DOCK3: variants seen among roughly 807,000 people sequenced by gnomAD.
DOCK3 encodes the protein dedicator of cytokinesis 3.
Under a neutral mutation model 265.6 loss-of-function variants are expected in DOCK3, and 60 were observed. The observed-to-expected ratio is 0.23, with a 90% CI of 0.18 to 0.28. DOCK3 has a LOEUF of 0.28. Ranked by LOEUF, DOCK3 falls within the 10% of genes least tolerant of loss-of-function variation. The pLI, the probability that DOCK3 is intolerant of heterozygous loss-of-function variation, is 1.00. For synonymous variants in DOCK3, 881 were observed against 938.0 expected, an observed-to-expected ratio of 0.94 and a Z score of 1.11; for missense variants, 1,981 against 2,594.3, an observed-to-expected ratio of 0.76 and a Z score of 5.14.
At chr3:50,850,301 A>G (rs1031074752) in intron 3 of DOCK3, among the ~76,000 whole-genome samples, 2 of 151,452 alleles carry the variant, frequency 1.3e-5, no homozygotes, top group Admixed American at 1.3e-4. Context: ...CAGAGATTGC[A>G]GTGAGCGAAG....
chr3:50,739,492 A>C (rs938969662), intron 1 of DOCK3, among the ~76,000 whole-genome samples: 12 of 152,088 alleles, frequency 7.9e-5, no homozygotes, highest in African/African-American at 2.7e-4. Flanking sequence ...TTACTTGACC[A>C]TCTGACATAT....
chr3:50,686,274 C>A (rs1327937547), intron 1 of DOCK3, among the ~76,000 whole-genome samples: 1 of 152,080 alleles, frequency 6.6e-6, no homozygotes, highest in Non-Finnish European at 1.5e-5. Context: ...GAAAACTCTG[C>A]TGCACAAAAA....
intron 3 of DOCK3, among the ~76,000 whole-genome samples, chr3:50,856,034 G>C (rs1307595476): frequency 6.6e-6 from 1 of 152,182 alleles, no homozygotes; most frequent in East Asian, 1.9e-4. Context: ...TTTTATGGCT[G>C]CATAGTATTC....
At chr3:50,769,548 C>T (rs2041141281) in intron 1 of DOCK3, among the ~76,000 whole-genome samples, 2 of 152,066 alleles carry the variant, frequency 1.3e-5, no homozygotes, top group Non-Finnish European at 2.9e-5. Context: ...TGGTGGTTCA[C>T]ACCTGTAATC....
chr3:51,058,977 A>G (rs751046719), intron 5 of DOCK3, among the ~76,000 whole-genome samples: 21 of 152,076 alleles, frequency 1.4e-4, no homozygotes, highest in African/African-American at 4.8e-4. Flanking sequence ...GGTTTGTTAC[A>G]TGGGTATGTT....
chr3:50,902,101 G>A (rs1006688656), intron 4 of DOCK3, among the ~76,000 whole-genome samples: 1 of 151,948 alleles, frequency 6.6e-6, no homozygotes, highest in African/African-American at 2.4e-5. Flanking sequence ...ATTTGTTTAA[G>A]TTCCTTGTAG....
chr3:51,293,351 AAG>A (rs1337996883), intron 27 of DOCK3, among the ~76,000 whole-genome samples: 2 of 152,218 alleles, frequency 1.3e-5, no homozygotes, highest in African/African-American at 2.4e-5. Context: ...ATTTTTGACA[AAG>A]ATGCCAAGAA....
intron 3 of DOCK3, 40 bp from the exon 4 acceptor site, chr3:50,889,986 A>AT: frequency 1.5e-6 from 2 of 1,368,732 alleles, no homozygotes; most frequent in Non-Finnish European, 1.9e-6. Flanking sequence ...GTTAATCACA[A>AT]TTTTATTTTT....
intron 5 of DOCK3, among the ~76,000 whole-genome samples, chr3:51,027,278 G>A (rs1020634652): frequency 2.0e-5 from 3 of 151,724 alleles, no homozygotes; most frequent in Non-Finnish European, 4.4e-5. Flanking sequence ...TCTTGGTATC[G>A]ATTTCTAATT....
At chr3:50,817,389 T>A (rs1407760728) in intron 2 of DOCK3, among the ~76,000 whole-genome samples, 1 of 152,158 alleles carries the variant, frequency 6.6e-6, no homozygotes, top group Non-Finnish European at 1.5e-5. Flanking sequence ...CCTCCCAGGC[T>A]CAAGCCATTT....
chr3:50,859,009 A>G (rs1482954001), intron 3 of DOCK3, among the ~76,000 whole-genome samples: 1 of 151,920 alleles, frequency 6.6e-6, no homozygotes, highest in Non-Finnish European at 1.5e-5. Context: ...CAGACCCGTT[A>G]GGTTCTTTTT....
intron 27 of DOCK3, among the ~76,000 whole-genome samples, chr3:51,284,170 C>T (rs1451842089): frequency 3.3e-5 from 5 of 152,126 alleles, no homozygotes; most frequent in African/African-American, 7.2e-5. Flanking sequence ...AGCTTCTACC[C>T]GAAGGACTGC....
At chr3:51,249,408 C>T (rs1347605066) in intron 22 of DOCK3, among the ~76,000 whole-genome samples, 32 of 124,716 alleles carry the variant, frequency 2.6e-4, no homozygotes, top group African/African-American at 3.7e-4. Flanking sequence ...CCAGCCGCCC[C>T]GTCCGGGAGG....
At chr3:51,105,693 G>A (rs2083253833) in intron 9 of DOCK3, among the ~76,000 whole-genome samples, 1 of 152,168 alleles carries the variant, frequency 6.6e-6, no homozygotes, top group Non-Finnish European at 1.5e-5. Flanking sequence ...CAATTAGATG[G>A]AGCCAGAAGA....
intron 5 of DOCK3, among the ~76,000 whole-genome samples, chr3:51,032,118 T>TGTG (rs2080073699): frequency 1.8e-5 from 1 of 54,700 alleles, no homozygotes; most frequent in Non-Finnish European, 3.6e-5. Context: ...ACCTCCCTCC[T>TGTG]CGTGTGTGTG....
chr3:50,680,932 C>A (rs755763293), intron 1 of DOCK3, among the ~76,000 whole-genome samples: 1 of 152,116 alleles, frequency 6.6e-6, no homozygotes. Flanking sequence ...TCTCTTTACT[C>A]TTTTTCCTTT....
intron 12 of DOCK3, among the ~76,000 whole-genome samples, chr3:51,184,233 C>T (rs1218819379): frequency 6.6e-6 from 1 of 151,672 alleles, no homozygotes; most frequent in Non-Finnish European, 1.5e-5. Context: ...ATCGCTTGTA[C>T]CTGGGAGGCA....
At chr3:50,981,391 G>A (rs905213988) in intron 5 of DOCK3, among the ~76,000 whole-genome samples, 2 of 152,172 alleles carry the variant, frequency 1.3e-5, no homozygotes, top group African/African-American at 4.8e-5. Context: ...CTAGCCTAGA[G>A]AATGTTATAT....
chr3:50,772,108 A>G (rs1404579987), intron 1 of DOCK3, among the ~76,000 whole-genome samples: 1 of 152,204 alleles, frequency 6.6e-6, no homozygotes, highest in Admixed American at 6.5e-5. Flanking sequence ...GTACTATTCA[A>G]TCATAAAGAA....
Sources: gnomAD v4.1 joint callset for allele counts (sites outside exome capture counted in the v4.1 genomes callset) on GRCh38, gnomAD v4.1.1 for gene constraint, MANE v1.5 for transcripts, NCBI Gene and HGNC (gene_info 2026-07-23, HGNC 2026-07-21) for gene names.